The following MORC1 variants were observed in gnomAD, a reference collection of about 807,000 sequenced individuals.
MORC1 encodes MORC family CW-type zinc finger 1.
A neutral mutation model predicts 134.9 loss-of-function variants in MORC1; 59 were observed. The observed-to-expected ratio is 0.44, with a 90% confidence interval of 0.35 to 0.54. The LOEUF (loss-of-function observed/expected upper bound fraction) is 0.54. MORC1 is among the 20% of genes least tolerant of loss of function. MORC1 has a pLI of 0.00. For synonymous variants in MORC1, 395 were observed against 391.7 expected (o/e 1.01, Z -0.10); for missense variants, 947 against 1,134.5 (o/e 0.83, Z 2.37).
intron 8 of MORC1, among the ~76,000 whole-genome samples, chr3:109,083,104 C>G (rs1950552433): frequency 6.6e-6 from 1 of 152,028 alleles, no homozygotes; most frequent in Non-Finnish European, 1.5e-5. Context: ...GGAAATCATA[C>G]AGGACAGTAG....
chr3:109,095,199 T>C (rs1950806548), intron 6 of MORC1, 131 bp from the exon 7 acceptor site: 5 of 797,902 alleles, frequency 6.3e-6, no homozygotes, highest in Non-Finnish European at 9.7e-6. Context: ...ATTTTCCTCC[T>C]ATAATCTAGT....
chr3:109,107,208 T>C (rs1951058365), intron 3 of MORC1, among the ~76,000 whole-genome samples: 1 of 152,220 alleles, frequency 6.6e-6, no homozygotes, highest in Non-Finnish European at 1.5e-5. Flanking sequence ...CCTTTCCTAA[T>C]CCTTCCATGT....
intron 21 of MORC1, among the ~76,000 whole-genome samples, chr3:108,998,751 G>A (rs1948308801): frequency 6.6e-6 from 1 of 152,044 alleles, no homozygotes. Flanking sequence ...TGCATCTCTG[G>A]ATAATACGTG....
chr3:108,962,391 C>T (rs1204908564), intron 27 of MORC1, among the ~76,000 whole-genome samples: 3 of 152,032 alleles, frequency 2.0e-5, no homozygotes, highest in Non-Finnish European at 4.4e-5. Context: ...TAAATGTTCA[C>T]AACCAGGAAT....
chr3:108,978,179 G>C (rs1947616775), intron 24 of MORC1, among the ~76,000 whole-genome samples: 1 of 152,096 alleles, frequency 6.6e-6, no homozygotes, highest in Non-Finnish European at 1.5e-5. Flanking sequence ...GCCCGGCCAA[G>C]GCCTTTTTCA....
chr3:109,075,429 G>C (rs142168535), intron 8 of MORC1, among the ~76,000 whole-genome samples: 4,834 of 152,146 alleles, frequency 0.032, 244 homozygotes, highest in African/African-American at 0.11. Context: ...GAGTTTTTAT[G>C]GCTTTAGGTC....
At chr3:108,998,933 G>A (rs1428458101) in intron 21 of MORC1, among the ~76,000 whole-genome samples, 3 of 152,098 alleles carry the variant, frequency 2.0e-5, no homozygotes, top group East Asian at 1.9e-4. Context: ...TTCCTGAAAA[G>A]GCACTTGCCA....
chr3:109,012,461 T>C (rs1176412222), intron 17 of MORC1, among the ~76,000 whole-genome samples: 1 of 152,220 alleles, frequency 6.6e-6, no homozygotes, highest in Non-Finnish European at 1.5e-5. Context: ...CAGTTTTTAG[T>C]ATCTATCAAA....
intron 14 of MORC1, among the ~76,000 whole-genome samples, chr3:109,047,316 T>A (rs567104169): frequency 4.6e-5 from 7 of 152,282 alleles, no homozygotes; most frequent in African/African-American, 1.2e-4. Context: ...ACTATAAGAA[T>A]CAAATTTTAT....
chr3:109,071,017 T>G (rs2107710382), intron 8 of MORC1, among the ~76,000 whole-genome samples: 1 of 152,338 alleles, frequency 6.6e-6, no homozygotes, highest in East Asian at 1.9e-4. Flanking sequence ...AGATAGGCTG[T>G]CTGTATTCGA....
intron 26 of MORC1, among the ~76,000 whole-genome samples, chr3:108,965,907 A>C (rs1947206644): frequency 6.6e-6 from 1 of 152,206 alleles, no homozygotes; most frequent in African/African-American, 2.4e-5. Flanking sequence ...TCAGTCTCTG[A>C]AAGTTTACCT....
chr3:109,062,042 T>C lies in MORC1; in HGVS notation c.912A>G (p.Lys304=). The C allele has an allele frequency of 6.2e-7, 1 of 1,614,042 alleles. No individual in the cohort carries two copies. Among genetic ancestry groups the C allele is most frequent in the Admixed American group, 1.7e-5 (1 of 60,024 alleles). ...ACTGGTTTACTTTGATTTGTGCTTC[T>C]TTCAATATGGATTCAGCTGGAAGTA... ...EAVKIAESIL[K]EAQIKVNQCD... is the part of the protein sequence containing the mutation. The change falls in exon 11 of 28, where the codon AAA becomes AAG. Residue 304 remains lysine, a synonymous_variant. Transcript: ENST00000232603.
intron 21 of MORC1, among the ~76,000 whole-genome samples, chr3:108,994,772 T>C (rs1948153893): frequency 6.6e-6 from 1 of 152,146 alleles, no homozygotes; most frequent in African/African-American, 2.4e-5. Context: ...TCGGTAATTT[T>C]ATTCCCCTGG....
intron 4 of MORC1, among the ~76,000 whole-genome samples, chr3:109,100,722 T>C (rs1003894223): frequency 2.6e-5 from 4 of 152,214 alleles, no homozygotes; most frequent in Admixed American, 1.3e-4. Flanking sequence ...TCCACATTCA[T>C]AGACTCAACT....
intron 1 of MORC1, among the ~76,000 whole-genome samples, chr3:109,115,358 CAGAGAG>C (rs796181546): frequency 7.8e-5 from 9 of 115,312 alleles, no homozygotes; most frequent in African/African-American, 3.6e-4. Flanking sequence ...CACACACACA[CAGAGAG>C]AGAGAATATA....
chr3:109,069,089 G>A (rs978189113), intron 9 of MORC1, among the ~76,000 whole-genome samples: 1 of 152,216 alleles, frequency 6.6e-6, no homozygotes, highest in Non-Finnish European at 1.5e-5. Context: ...CAGGGAGGCA[G>A]AGGTTGCACT....
Position 108,958,875 on chromosome 3 carries a change from TTACAG to T in MORC1, c.*85_*89del, listed in dbSNP as rs1947005925. 2 of 846,544 alleles carry T rather than the reference TTACAG, an allele frequency of 2.4e-6. No individual in the cohort carries two copies. Among genetic ancestry groups the T allele is most frequent in the Non-Finnish European group, 3.5e-6 (2 of 576,768 alleles). The allele number at this position is 846,544 out of a possible 1,614,324, so 52.4% of individuals were successfully genotyped here. ...TTCTTATTGTTAAACAGAATAGACT[TTACAG>T]TAACAACAACAAAAAAGAAAAATTT... is the stretch of plus-strand genomic sequence containing the variant. On this transcript the variant is annotated 3_prime_UTR_variant, in exon 28 of 28. Coordinates refer to ENST00000232603, the MANE Select transcript of MORC1 (RefSeq NM_014429.4).
intron 18 of MORC1, 128 bp from the exon 19 acceptor site, chr3:109,005,443 C>A: frequency 1.2e-6 from 1 of 849,910 alleles, no homozygotes; most frequent in South Asian, 2.5e-5. Flanking sequence ...AAATCAGAAG[C>A]TTAGAAACAA....
chr3:109,041,943 CAA>C (rs563306121), intron 14 of MORC1, among the ~76,000 whole-genome samples: 1 of 132,260 alleles, frequency 7.6e-6, no homozygotes. Flanking sequence ...GACTCCATCT[CAA>C]AAAAAAAAAA....
Sources: gnomAD v4.1 joint callset for allele counts (sites outside exome capture counted in the v4.1 genomes callset) on GRCh38, gnomAD v4.1.1 for gene constraint, MANE v1.5 for transcripts, NCBI Gene and HGNC (gene_info 2026-07-23, HGNC 2026-07-21) for gene names.